Variants in NCK1 observed in about 807,000 individuals in gnomAD.
NCK1 encodes NCK adaptor protein 1.
A neutral mutation model predicts 36.6 loss-of-function variants in NCK1; 19 were observed. The ratio of observed to expected loss-of-function variants is 0.52; its 90% CI spans 0.36 to 0.76. The LOEUF (loss-of-function observed/expected upper bound fraction) is 0.76, where lower values mean the gene tolerates loss of function less well. Among genes scored for constraint, NCK1 ranks in the 30% least tolerant of loss-of-function variants. The pLI, the probability that NCK1 is intolerant of heterozygous loss-of-function variation, is 0.00. For missense variants in NCK1, 358 were observed against 445.6 expected, an observed-to-expected ratio of 0.80 and a Z score of 1.77; for synonymous variants, 165 against 156.0, an observed-to-expected ratio of 1.06 and a Z score of -0.43.
In NCK1 at chr3:136,878,117, A is replaced by G. The variant is rs375196356; in HGVS notation, c.-19+15764A>G. On this transcript the variant is annotated intron_variant, in intron 1 of 3. Coordinates refer to ENST00000481752, the MANE Select transcript of NCK1 (RefSeq NM_001291999.2). ...TATAACACAGATAAACCTTTAAAAC[A>G]TGCTAAGTAGGCCGGACATGGTGGC... 3.3e-5 allele frequency among the ~76,000 whole-genome samples: 5 copies of G among 152,334 alleles called. No individual in the cohort carries two copies. The East Asian group carries it at 9.6e-4, about 29-fold the overall frequency.
At chr3:136,870,028 GTTTTTTTTTT>G (rs749807329) in intron 1 of NCK1, among the ~76,000 whole-genome samples, 2 of 96,822 alleles carry the variant, frequency 2.1e-5, no homozygotes, top group African/African-American at 8.4e-5. Context: ...TTTCTCAAAA[GTTTTTTTTTT>G]TTTTTTTTTT....
intron 1 of NCK1, among the ~76,000 whole-genome samples, chr3:136,907,369 C>G (rs1005341435): frequency 1.3e-5 from 2 of 152,066 alleles, no homozygotes; most frequent in African/African-American, 4.8e-5. Flanking sequence ...GCTGGGCTCT[C>G]AAAATGAAGG....
intron 1 of NCK1, among the ~76,000 whole-genome samples, chr3:136,919,196 G>A (rs1422827307): frequency 6.6e-6 from 1 of 152,084 alleles, no homozygotes; most frequent in Non-Finnish European, 1.5e-5. Flanking sequence ...GGATGGGTTT[G>A]AATACAAAGC....
At chr3:136,867,167 TCCTTCCTTCC>T (rs1560028602) in intron 1 of NCK1, among the ~76,000 whole-genome samples, 2,493 of 59,346 alleles carry the variant, frequency 0.042, 257 homozygotes, top group Non-Finnish European at 0.061. Flanking sequence ...CTTCCTTCCT[TCCTTCCTTCC>T]TTCTTTCTTT....
At chr3:136,863,690 A>G (rs1253541825) in intron 1 of NCK1, among the ~76,000 whole-genome samples, 1 of 152,226 alleles carries the variant, frequency 6.6e-6, no homozygotes, top group Non-Finnish European at 1.5e-5. Context: ...CTGTTGGCTC[A>G]TGTATTAAAT....
At position 136,901,374 on chromosome 3, in the gene NCK1, T is replaced by A. The variant is rs184246472; in HGVS notation, c.-18-26610T>A. On this transcript the variant is annotated intron_variant, in intron 1 of 3. Transcript: ENST00000481752. ...CTGTAGTTTTCTTTCTTTTTTTTTT[T>A]AAATATTTTTTATTGCATCCTTGTC... Among the ~76,000 whole-genome samples, 1,164 of 151,560 alleles carry A rather than the reference T, an allele frequency of 7.7e-3. 11 individuals are homozygous for A. The highest frequency in any genetic ancestry group is 9.0e-3 in the African/African-American group (374 of 41,376).
At chr3:136,915,851 GAGT>G in intron 1 of NCK1, among the ~76,000 whole-genome samples, 1 of 151,760 alleles carries the variant, frequency 6.6e-6, no homozygotes, top group South Asian at 2.1e-4. Flanking sequence ...TCAGCCTCCC[GAGT>G]AGCTGGGATT....
chr3:136,866,814 T>C (rs535873071), intron 1 of NCK1, among the ~76,000 whole-genome samples: 1 of 152,178 alleles, frequency 6.6e-6, no homozygotes, highest in African/African-American at 2.4e-5. Flanking sequence ...GGTTTCACCA[T>C]GTTGGCCAGG....
At chr3:136,903,528 G>T (rs377151132) in intron 1 of NCK1, among the ~76,000 whole-genome samples, 1 of 152,100 alleles carries the variant, frequency 6.6e-6, no homozygotes, top group Non-Finnish European at 1.5e-5. Context: ...GGGTTCAAGC[G>T]ATTCTCCTGC....
At chr3:136,886,740 C>T (rs1488300122) in intron 1 of NCK1, among the ~76,000 whole-genome samples, 1 of 150,222 alleles carries the variant, frequency 6.7e-6, no homozygotes, top group Admixed American at 6.6e-5. Context: ...TTTTAAAGTT[C>T]GTTCATTTTT....
At chr3:136,943,806 C>A (rs1348752780) in intron 2 of NCK1, among the ~76,000 whole-genome samples, 1 of 151,958 alleles carries the variant, frequency 6.6e-6, no homozygotes, top group Non-Finnish European at 1.5e-5. Flanking sequence ...TTAGAGGAGC[C>A]TAGACAGAGG....
In NCK1 at chr3:136,942,845, C is replaced by A. The variant is rs552762606; in HGVS notation, c.227-2738C>A. Among the ~76,000 whole-genome samples, 28 of 152,272 alleles carry A rather than the reference C, an allele frequency of 1.8e-4. No homozygotes were observed. In the East Asian group the frequency reaches 5.4e-3, roughly 29 times the overall value. On this transcript the variant is annotated intron_variant, in intron 2 of 3. Transcript: ENST00000481752. ...TCCATTAAATGATTTTTGCAAAAACCACCCAGGAAGACTCCCTATGCCTGG... is the reference window on the plus strand; with the variant it reads ...TCCATTAAATGATTTTTGCAAAAACAACCCAGGAAGACTCCCTATGCCTGG...
At chr3:136,864,036 G>A (rs1193255247) in intron 1 of NCK1, among the ~76,000 whole-genome samples, 1 of 152,030 alleles carries the variant, frequency 6.6e-6, no homozygotes, top group African/African-American at 2.4e-5. Context: ...GGGAGGCGGA[G>A]CTTGCAGTGA....
chr3:136,899,918 A>T, intron 1 of NCK1: 1 of 900,286 alleles, frequency 1.1e-6, no homozygotes, highest in Admixed American at 1.8e-5. Context: ...CTTTCTGGAG[A>T]TTGTTCAAAT....
intron 2 of NCK1, among the ~76,000 whole-genome samples, chr3:136,941,714 A>C (rs953071074): frequency 2.4e-4 from 4 of 16,418 alleles, no homozygotes; most frequent in African/African-American, 6.2e-4. Flanking sequence ...GAGAATTTAC[A>C]AAAAAAAACT....
intron 1 of NCK1, among the ~76,000 whole-genome samples, chr3:136,921,723 A>G (rs1304813543): frequency 6.6e-6 from 1 of 152,206 alleles, no homozygotes; most frequent in African/African-American, 2.4e-5. Context: ...ACAAAAGGGG[A>G]AGAGACTTTT....
chr3:136,905,068 T>C (rs1939649537), intron 1 of NCK1, among the ~76,000 whole-genome samples: 1 of 150,762 alleles, frequency 6.6e-6, no homozygotes, highest in South Asian at 2.1e-4. Flanking sequence ...GCTAGAGTGC[T>C]ATGGCACGAT....
chr3:136,871,741 A>G (rs1938624009), intron 1 of NCK1, among the ~76,000 whole-genome samples: 1 of 152,206 alleles, frequency 6.6e-6, no homozygotes, highest in East Asian at 1.9e-4. Flanking sequence ...TGTGGTTGGC[A>G]GAACCTGGTG....
At chr3:136,898,842 T>G (rs2108097322) in intron 1 of NCK1, among the ~76,000 whole-genome samples, 2 of 152,336 alleles carry the variant, frequency 1.3e-5, no homozygotes, top group South Asian at 4.1e-4. Flanking sequence ...TAGAATATGC[T>G]CTTCAGAAGG....
Sources: gnomAD v4.1 joint callset for allele counts (sites outside exome capture counted in the v4.1 genomes callset) on GRCh38, gnomAD v4.1.1 for gene constraint, MANE v1.5 for transcripts, NCBI Gene and HGNC (gene_info 2026-07-23, HGNC 2026-07-21) for gene names.